Variants in PPFIBP1 observed in about 807,000 individuals in gnomAD.
PPFIBP1 encodes the protein liprin-beta-1.
Under a neutral mutation model 137.8 loss-of-function variants are expected in PPFIBP1, and 112 were observed. The ratio of observed to expected loss-of-function variants is 0.81; its 90% CI spans 0.70 to 0.95. The LOEUF (loss-of-function observed/expected upper bound fraction) is 0.95, where lower values mean the gene tolerates loss of function less well. PPFIBP1 is among the 40% of genes least tolerant of loss of function. PPFIBP1 has a pLI of 0.00. For missense variants in PPFIBP1, 1,083 were observed against 1,196.6 expected (o/e 0.91, Z 1.40); for synonymous variants, 378 against 417.3 (o/e 0.91, Z 1.15).
At chr12:27,682,775 C>A in intron 24 of PPFIBP1, 72 bp downstream of exon 24, 3 of 1,605,392 alleles carry the variant, frequency 1.9e-6, no homozygotes, top group Non-Finnish European at 2.6e-6. Flanking sequence ...ATTGAGTAAG[C>A]CAAACACAGT....
intron 17 of PPFIBP1, 42 bp from the exon 18 acceptor site, chr12:27,676,386 C>A: frequency 7.1e-7 from 1 of 1,404,554 alleles, no homozygotes. Context: ...GCTGAGGATG[C>A]TGCACCTGAG....
intron 1 of PPFIBP1, among the ~76,000 whole-genome samples, chr12:27,526,696 G>A (rs2135700075): frequency 6.6e-6 from 1 of 152,188 alleles, no homozygotes; most frequent in African/African-American, 2.4e-5. Flanking sequence ...ATTGCCGGGT[G>A]TGGTGGTGGG....
At chr12:27,580,203 G>A (rs1351708386) in intron 2 of PPFIBP1, among the ~76,000 whole-genome samples, 1 of 152,120 alleles carries the variant, frequency 6.6e-6, no homozygotes, top group Non-Finnish European at 1.5e-5. Flanking sequence ...AGAATTTTCT[G>A]AACAAATTCA....
intron 2 of PPFIBP1, chr12:27,593,431 G>C: frequency 2.2e-6 from 1 of 455,478 alleles, no homozygotes; most frequent in South Asian, 1.6e-5. Flanking sequence ...AAGCCTTAGA[G>C]GAGTCTGTGG....
At chr12:27,605,053 A>T (rs1022278044) in intron 2 of PPFIBP1, among the ~76,000 whole-genome samples, 3 of 152,112 alleles carry the variant, frequency 2.0e-5, no homozygotes, top group African/African-American at 7.2e-5. Context: ...CTCCCACAAC[A>T]CATGGGAATT....
chr12:27,568,330 C>CT (rs1320433889), intron 1 of PPFIBP1, among the ~76,000 whole-genome samples: 1 of 152,148 alleles, frequency 6.6e-6, no homozygotes, highest in Non-Finnish European at 1.5e-5. Flanking sequence ...CTGCTGTATT[C>CT]TTTTTTGTAT....
In PPFIBP1 at chr12:27,671,433, C is replaced by T; in HGVS notation, c.1149C>T (p.Phe383=). ...DPFNTSVPEE[F]HTTILQVSIP... ...GATTTTTTGTAATTACATTACAGTT[C>T]CATACTACCATCTTGCAAGTTTCCA... Residue 383 remains phenylalanine (F), a splice_region_variant and synonymous_variant, in exon 14 of 30, where the codon TTC becomes TTT. Transcript: ENST00000228425. 1 of 1,549,974 alleles carries T rather than the reference C, an allele frequency of 6.5e-7. No individual in the cohort carries two copies. Among genetic ancestry groups the T allele is most frequent in the Non-Finnish European group, 8.8e-7 (1 of 1,140,448 alleles).
In PPFIBP1 at chr12:27,524,326, G is replaced by A. The variant is rs1288594379; in HGVS notation, c.-163G>A. ...TTGAACTCCGAGAGGAGGTGGACCA[G>A]AACTTTTGGAACTAGTGCCGGCGGC... On this transcript the variant is annotated 5_prime_UTR_variant, in exon 1 of 30. Coordinates refer to ENST00000228425, the MANE Select transcript of PPFIBP1 (RefSeq NM_003622.4). The A allele has an allele frequency of 1.3e-5, 2 of 152,442 alleles. No individual in the cohort carries two copies. The highest frequency in any genetic ancestry group is 1.9e-4 in the East Asian group (1 of 5,198). The allele number at this position is 152,442 out of a possible 1,614,324, so 9.4% of individuals were successfully genotyped here. A position where few individuals can be genotyped will look rare whatever the true frequency, so the allele number is the denominator to read the frequency against.
intron 1 of PPFIBP1, among the ~76,000 whole-genome samples, chr12:27,560,327 G>A (rs546187951): frequency 1.3e-5 from 2 of 152,310 alleles, no homozygotes; most frequent in East Asian, 3.9e-4. Context: ...TGCAAAATGA[G>A]TCTGTTTCTT....
At position 27,659,631 on chromosome 12, in the gene PPFIBP1, G is replaced by A. The variant is rs147864685; in HGVS notation, c.844+783G>A. On this transcript the variant is annotated intron_variant, in intron 10 of 29. Transcript: ENST00000228425. Reference sequence around the variant, plus strand: ...AGCTATGATCTTGCCATTGTACCACGGCCTGGGCAACACTGACACCCCATC... The same window carrying A: ...AGCTATGATCTTGCCATTGTACCACAGCCTGGGCAACACTGACACCCCATC... Among the ~76,000 whole-genome samples the A allele has an allele frequency of 8.2e-5, 12 of 146,832 alleles. No individual in the cohort carries two copies. The East Asian group carries it at 1.6e-3, about 20-fold the overall frequency.
At chr12:27,650,906 C>T (rs189552930) in intron 7 of PPFIBP1, among the ~76,000 whole-genome samples, 4 of 152,260 alleles carry the variant, frequency 2.6e-5, no homozygotes, top group Non-Finnish European at 5.9e-5. Context: ...AATTTCTTTT[C>T]TCTGAGAGCC....
In PPFIBP1 at chr12:27,531,395, C is replaced by T. The variant is rs1027620311; in HGVS notation, c.-124+7030C>T. On this transcript the variant is annotated intron_variant, in intron 1 of 29. Transcript: ENST00000228425. ...GCAACCTCCACCTCCTGGGTTCAAG[C>T]GATTCTCCAGCCTCAGCCTCCCAGG... Among the ~76,000 whole-genome samples, 5 of 151,954 alleles carry T rather than the reference C, an allele frequency of 3.3e-5. No individual in the cohort carries two copies. The East Asian group carries it at 5.8e-4, about 18-fold the overall frequency.
chr12:27,576,332 G>C (rs1459598863), intron 1 of PPFIBP1, among the ~76,000 whole-genome samples: 1 of 152,188 alleles, frequency 6.6e-6, no homozygotes, highest in Non-Finnish European at 1.5e-5. Flanking sequence ...CAAAGAGGCT[G>C]GTGGGGATCG....
chr12:27,679,949 T>G lies in PPFIBP1; in HGVS notation c.1783T>G (p.Ser595Ala). 6.2e-7 allele frequency: 1 copy of G among 1,614,074 alleles called. No homozygotes were observed. The highest frequency in any genetic ancestry group is 8.5e-7 in the Non-Finnish European group (1 of 1,179,972). Reference sequence around the variant, plus strand: ...CTTCTTTAGACTTAGGAGAAGTCAATCAACTACATTCAACCCAGATGACAT... The same window carrying G: ...CTTCTTTAGACTTAGGAGAAGTCAAGCAACTACATTCAACCCAGATGACAT... ...KLFGKLRRSQ[S>A]TTFNPDDMSE... The change falls in exon 21 of 30, where the codon TCA becomes GCA. Residue 595 changes from serine (S) to alanine (A), a missense_variant. Coordinates refer to ENST00000228425, the MANE Select transcript of PPFIBP1 (RefSeq NM_003622.4).
chr12:27,598,801 T>G (rs1200708210), intron 2 of PPFIBP1, among the ~76,000 whole-genome samples: 2 of 152,184 alleles, frequency 1.3e-5, no homozygotes, highest in Non-Finnish European at 2.9e-5. Flanking sequence ...GGGTCCTCAT[T>G]AACAATACGG....
intron 2 of PPFIBP1, among the ~76,000 whole-genome samples, chr12:27,594,753 AAGGTAATAACTAT>A (rs1162994281): frequency 6.6e-6 from 1 of 152,142 alleles, no homozygotes; most frequent in Non-Finnish European, 1.5e-5. Flanking sequence ...CTACCTTCTA[AAGGTAATAACTAT>A]CAAAACATTT....
chr12:27,524,631 C>T (rs1943509116), intron 1 of PPFIBP1, among the ~76,000 whole-genome samples: 1 of 151,964 alleles, frequency 6.6e-6, no homozygotes, highest in Non-Finnish European at 1.5e-5. Context: ...ACCCCCACAC[C>T]CTAGGCTCCC....
rs896509902 is a variant in PPFIBP1, at chr12:27,673,910, A to C, written c.1380+83A>C. The C allele has an allele frequency of 1.8e-5, 22 of 1,221,800 alleles. 1 individual carries two copies. In the Middle Eastern group the frequency reaches 1.7e-3, roughly 96 times the overall value. 75.7% of individuals were successfully genotyped at this position (1,221,800 alleles called of 1,614,324 possible). A position where few individuals can be genotyped will look rare whatever the true frequency, so the allele number is the denominator to read the frequency against. ...GGATCTTCATCTTTTCCCTTTTTGC[A>C]AATAAAACTCTTATGAAGAGCTTGT... On this transcript the variant is annotated intron_variant, in intron 16 of 29. Transcript: ENST00000228425.
At chr12:27,551,413 T>A (rs1250102661) in intron 1 of PPFIBP1, among the ~76,000 whole-genome samples, 1 of 152,162 alleles carries the variant, frequency 6.6e-6, no homozygotes, top group Admixed American at 6.5e-5. Context: ...CATTAGCTAG[T>A]AGGAACTGGC....
Sources: allele counts gnomAD v4.1 joint callset (sites outside exome capture counted in the v4.1 genomes callset), GRCh38; gene constraint gnomAD v4.1.1; transcripts MANE v1.5; gene names NCBI Gene and HGNC (gene_info 2026-07-23, HGNC 2026-07-21).